The following DST variants were observed in gnomAD, a reference collection of about 807,000 sequenced individuals.
DST encodes the protein dystonin.
In DST, 253 loss-of-function variants were observed where a neutral mutation model predicts 875.2. The observed-to-expected ratio is 0.29, with a 90% CI of 0.26 to 0.32. DST has a LOEUF of 0.32. Ranked by LOEUF, DST falls within the 10% of genes least tolerant of loss-of-function variation. The pLI, the probability that DST is intolerant of heterozygous loss-of-function variation, is 1.00. For synonymous variants in DST, 3,124 were observed against 3,197.1 expected (o/e 0.98, Z 0.77); for missense variants, 8,287 against 9,111.6 (o/e 0.91, Z 3.68).
intron 10 of DST, among the ~76,000 whole-genome samples, chr6:56,655,054 G>A (rs1181534361): frequency 1.3e-5 from 2 of 151,658 alleles, no homozygotes; most frequent in Non-Finnish European, 2.9e-5. Flanking sequence ...CCAGCTACTC[G>A]GGAGGGTGAG....
chr6:56,652,338 G>C (rs1183469691), intron 10 of DST, among the ~76,000 whole-genome samples: 2 of 152,196 alleles, frequency 1.3e-5, no homozygotes, highest in Admixed American at 6.5e-5. Context: ...AGCATTGAAA[G>C]ACTACCGGAA....
intron 4 of DST, among the ~76,000 whole-genome samples, chr6:56,753,642 T>C (rs1447037768): frequency 6.6e-6 from 1 of 152,052 alleles, no homozygotes; most frequent in African/African-American, 2.4e-5. Context: ...TGCAATCTAG[T>C]AATGGCAACA....
At chr6:56,526,637 G>C in intron 68 of DST, 70 bp from the exon 69 acceptor site, 4 of 1,419,554 alleles carry the variant, frequency 2.8e-6, no homozygotes, top group Non-Finnish European at 3.9e-6. Context: ...TGTTCTTGGA[G>C]CTCAAGTCCT....
chr6:56,910,941 A>G (rs904398238), intron 2 of DST, among the ~76,000 whole-genome samples: 2 of 152,236 alleles, frequency 1.3e-5, no homozygotes, highest in African/African-American at 2.4e-5. Flanking sequence ...CAAATGAACT[A>G]CAACTTAGGT....
intron 4 of DST, among the ~76,000 whole-genome samples, chr6:56,850,528 T>C (rs1370096187): frequency 6.6e-6 from 1 of 151,932 alleles, no homozygotes; most frequent in East Asian, 1.9e-4. Context: ...ACACCTGGCC[T>C]TCTGCCTTTG....
chr6:56,824,082 C>CCATCT (rs1321652915), intron 4 of DST, among the ~76,000 whole-genome samples: 3 of 152,196 alleles, frequency 2.0e-5, no homozygotes, highest in Non-Finnish European at 4.4e-5. Context: ...TGTACTGCTG[C>CCATCT]CATCTCGGCT....
chr6:56,928,348 C>T (rs559738361), intron 2 of DST, among the ~76,000 whole-genome samples: 63 of 152,180 alleles, frequency 4.1e-4, no homozygotes, highest in African/African-American at 1.5e-3. Flanking sequence ...CCCCTATTGA[C>T]GCAGCCCACT....
chr6:56,785,410 C>A (rs2099703116), intron 4 of DST, among the ~76,000 whole-genome samples: 1 of 152,196 alleles, frequency 6.6e-6, no homozygotes, highest in South Asian at 2.1e-4. Flanking sequence ...CAAGCCTGGG[C>A]AATGGCAGGC....
At chr6:56,934,591 G>A (rs1206911144) in intron 2 of DST, among the ~76,000 whole-genome samples, 3 of 86,588 alleles carry the variant, frequency 3.5e-5, no homozygotes, top group African/African-American at 8.6e-5. Context: ...TATATATATC[G>A]TGAGAGAGAG....
chr6:56,618,921 G>A, intron 36 of DST: 2 of 1,614,076 alleles, frequency 1.2e-6, no homozygotes, highest in Non-Finnish European at 1.7e-6. Flanking sequence ...TGAGCTTGTT[G>A]TAGCTGAACT....
Position 56,509,836 on chromosome 6 carries a change from TC to T in DST, c.18817del (p.Glu6273AsnfsTer7). On this transcript the variant is annotated frameshift_variant, in exon 74 of 104. Transcript: ENST00000680361. LOFTEE classifies it high-confidence loss of function. The stretch of plus-strand genomic sequence containing the variant: ...CTGCCTCAGACGTTCCACGATGCGT[TC>T]CAGGCTCTCAAGGATCTGATCTATC... ...DKIDQILESLERIVERLRQPP... is the reference protein window; with the variant it reads ...DKIDQILESLXRIVERLRQPP... The T allele has an allele frequency of 6.2e-7, 1 of 1,613,466 alleles. No individual in the cohort carries two copies. The highest frequency in any genetic ancestry group is 2.2e-5 in the East Asian group (1 of 44,874).
chr6:56,487,203 T>C lies in DST; in HGVS notation c.20948A>G (p.Lys6983Arg). Residue 6983 changes from lysine to arginine, a missense_variant, in exon 87 of 104, where the codon AAG becomes AGG. Coordinates refer to ENST00000680361, the MANE Select transcript of DST (RefSeq NM_001374736.1). The part of the protein sequence containing the change: ...DTTNRTGRSL[K>R]EKTSLADDNL... ...GTCATCAGCCAGGGAGGTTTTCTCCTTCAGAGAACGTCCAGTCCTGTTGGT... is the reference window on the plus strand; with the variant it reads ...GTCATCAGCCAGGGAGGTTTTCTCCCTCAGAGAACGTCCAGTCCTGTTGGT... 1 of 1,613,900 alleles carries C rather than the reference T, an allele frequency of 6.2e-7. No individual in the cohort carries two copies.
chr6:56,675,315 G>C (rs1588315817), intron 9 of DST, among the ~76,000 whole-genome samples: 1 of 152,234 alleles, frequency 6.6e-6, no homozygotes, highest in Admixed American at 6.5e-5. Flanking sequence ...TAAAGAAAAT[G>C]TAAGGAAAAG....
In DST at chr6:56,633,477, C is replaced by T. The variant is rs989223070; in HGVS notation, c.3622-440G>A. On this transcript the variant is annotated intron_variant, in intron 27 of 103. Coordinates refer to ENST00000680361, the MANE Select transcript of DST (RefSeq NM_001374736.1). ...TCCTGACCTCGTGATCCGCCCGCCT[C>T]GGCCTCCCAAAGTGCTGGGATTACA... Among the ~76,000 whole-genome samples the T allele has an allele frequency of 4.6e-5, 7 of 151,840 alleles. No individual in the cohort carries two copies. In the East Asian group the frequency reaches 1.4e-3, roughly 29 times the overall value.
chr6:56,516,611 T>C (rs2096600592), intron 71 of DST, among the ~76,000 whole-genome samples: 1 of 152,302 alleles, frequency 6.6e-6, no homozygotes, highest in East Asian at 1.9e-4. Context: ...ACCAGAAGCA[T>C]GAATATGCAT....
intron 3 of DST, among the ~76,000 whole-genome samples, chr6:56,877,291 G>T (rs191559731): frequency 6.6e-6 from 1 of 152,156 alleles, no homozygotes. Flanking sequence ...AGTGGCTCAC[G>T]CCTGTAATCC....
intron 34 of DST, among the ~76,000 whole-genome samples, chr6:56,626,252 A>G (rs1276009995): frequency 6.6e-6 from 1 of 152,164 alleles, no homozygotes; most frequent in African/African-American, 2.4e-5. Flanking sequence ...GTAATGTCCT[A>G]GGCCTCTACC....
At chr6:56,555,239 G>T (rs1584821869) in intron 60 of DST, 106 bp downstream of exon 60, 2 of 1,253,530 alleles carry the variant, frequency 1.6e-6, no homozygotes, top group East Asian at 2.4e-5. Context: ...GTTAACAGTG[G>T]GGCAGAGTCT....
chr6:56,793,484 T>A (rs2153009408), intron 4 of DST, among the ~76,000 whole-genome samples: 1 of 152,346 alleles, frequency 6.6e-6, no homozygotes, highest in South Asian at 2.1e-4. Context: ...ACTTTAAGTT[T>A]TTCAAAATAA....
Sources: gnomAD v4.1 joint callset for allele counts (sites outside exome capture counted in the v4.1 genomes callset) on GRCh38, gnomAD v4.1.1 for gene constraint, MANE v1.5 for transcripts, NCBI Gene and HGNC (gene_info 2026-07-23, HGNC 2026-07-21) for gene names.